ASH1L: variants seen among roughly 807,000 people sequenced by gnomAD.
The protein encoded by ASH1L is histone-lysine N-methyltransferase ASH1L.
A neutral mutation model predicts 269.0 loss-of-function variants in ASH1L; 23 were observed. That is an observed-to-expected ratio of 0.09 (90% CI 0.06 to 0.12). The LOEUF is 0.12. Among genes scored for constraint, ASH1L ranks in the 10% least tolerant of loss-of-function variants. ASH1L has a pLI of 1.00. For synonymous variants in ASH1L, 1,187 were observed against 1,253.5 expected (o/e 0.95, Z 1.12); for missense variants, 2,912 against 3,567.8 (o/e 0.82, Z 4.68).
chr1:155,408,396 A>G (rs1240043976), intron 6 of ASH1L, among the ~76,000 whole-genome samples: 2 of 152,234 alleles, frequency 1.3e-5, no homozygotes, highest in African/African-American at 4.8e-5. Context: ...TAGCAGTAAC[A>G]AATACCCTAG....
intron 3 of ASH1L, among the ~76,000 whole-genome samples, chr1:155,471,776 C>T (rs567180824): frequency 3.3e-5 from 5 of 152,360 alleles, no homozygotes; most frequent in East Asian, 1.9e-4. Context: ...AAATTTTTAG[C>T]AGGCCAGGCA....
intron 6 of ASH1L, among the ~76,000 whole-genome samples, chr1:155,403,223 T>C (rs1460503042): frequency 6.6e-6 from 1 of 151,672 alleles, no homozygotes; most frequent in African/African-American, 2.4e-5. Flanking sequence ...CAAATGCCTC[T>C]AATCCCAGCC....
intron 1 of ASH1L, among the ~76,000 whole-genome samples, chr1:155,541,173 G>C (rs1670404339): frequency 6.6e-6 from 1 of 152,102 alleles, no homozygotes; most frequent in Admixed American, 6.6e-5. Context: ...TGTATTCACT[G>C]CTACATCCTT....
intron 5 of ASH1L, among the ~76,000 whole-genome samples, chr1:155,422,303 A>ATTT (rs757564991): frequency 6.6e-5 from 8 of 120,924 alleles, no homozygotes; most frequent in South Asian, 2.5e-4. Flanking sequence ...CGCCCAGCTA[A>ATTT]TTTTTTTTTT....
At chr1:155,384,112 A>G (rs1303735823) in intron 7 of ASH1L, among the ~76,000 whole-genome samples, 1 of 152,150 alleles carries the variant, frequency 6.6e-6, no homozygotes, top group Non-Finnish European at 1.5e-5. Context: ...AGAGAAGGAA[A>G]GCCTATTGTA....
At chr1:155,536,125 T>C (rs1670040005) in intron 1 of ASH1L, among the ~76,000 whole-genome samples, 2 of 152,166 alleles carry the variant, frequency 1.3e-5, no homozygotes, top group African/African-American at 4.8e-5. Context: ...ACTAGCTAAG[T>C]AATCACATAC....
At chr1:155,366,595 T>C (rs1655436392) in intron 12 of ASH1L, among the ~76,000 whole-genome samples, 1 of 152,228 alleles carries the variant, frequency 6.6e-6, no homozygotes, top group South Asian at 2.1e-4. Context: ...GCTTCTAGTA[T>C]AGAGGTCCTA....
chr1:155,371,059 AC>A, intron 10 of ASH1L, 76 bp from the exon 11 acceptor site: 2 of 1,295,936 alleles, frequency 1.5e-6, no homozygotes, highest in Non-Finnish European at 1.1e-6. Context: ...AATTTTACAA[AC>A]ATTTAAAAAT....
chr1:155,385,677 A>G (rs1246164172), intron 7 of ASH1L, among the ~76,000 whole-genome samples: 1 of 152,158 alleles, frequency 6.6e-6, no homozygotes, highest in African/African-American at 2.4e-5. Flanking sequence ...TTAAATTCAA[A>G]GTTAAACACT....
intron 2 of ASH1L, among the ~76,000 whole-genome samples, chr1:155,489,411 T>G (rs1441606698): frequency 6.7e-6 from 1 of 149,388 alleles, no homozygotes; most frequent in African/African-American, 2.5e-5. Context: ...GAGGCAGAGG[T>G]TGCAGTGAGC....
rs1332351165 is a variant in ASH1L at position 155,477,931 on chromosome 1, T to C, written c.4939A>G (p.Lys1647Glu). The change falls in exon 3 of 28, where the codon AAG becomes GAG. Residue 1647 changes from lysine (K) to glutamate (E), a missense_variant. By Grantham distance (56) the Lys-to-Glu change is moderately conservative. This residue lies in a region of ASH1L where 789 missense variants were observed against 897.6 expected (regional missense o/e 0.88). Coordinates refer to ENST00000392403, the MANE Select transcript of ASH1L (RefSeq NM_018489.3). Reference sequence around the variant, plus strand: ...CTTTCGTTAGAAGGCAGTGACTCCTTTCTGTGAAGCCGATTTAGTGAAGTG... The same window carrying C: ...CTTTCGTTAGAAGGCAGTGACTCCTCTCTGTGAAGCCGATTTAGTGAAGTG... ...QDTSLNRLHR[K>E]ESLPSNERAV... is the part of the protein sequence containing the mutation. The C allele has an allele frequency of 6.2e-7, 1 of 1,613,846 alleles. No homozygotes were observed. The highest frequency in any genetic ancestry group is 1.3e-5 in the African/African-American group (1 of 74,936).
chr1:155,346,499 T>C (rs1653340724), intron 20 of ASH1L, 30 bp from the exon 21 acceptor site: 4 of 1,590,938 alleles, frequency 2.5e-6, no homozygotes, highest in Non-Finnish European at 3.5e-6. Context: ...TTGGGGAACA[T>C]GGAGGCTATG....
rs770847441 is a variant in ASH1L at position 155,521,398 on chromosome 1, T to C, written c.122A>G (p.Lys41Arg). ...LVSKREVELE[K>R]NTKEEEDLRK... The stretch of plus-strand genomic sequence containing the variant: ...AAGGTCCTCTTCCTCCTTTGTGTTT[T>C]TTTCTAGCTCTACTTCTCTCTTACT... Residue 41 changes from lysine (K) to arginine (R), a missense_variant, in exon 2 of 28, where the codon AAA (lysine) becomes AGA (arginine). Transcript: ENST00000392403. 9 of 1,614,218 alleles carry C rather than the reference T, an allele frequency of 5.6e-6. No individual in the cohort carries two copies. Among genetic ancestry groups the C allele is most frequent in the Admixed American group, 1.7e-5 (1 of 60,026 alleles).
chr1:155,530,226 C>T (rs1669571335), intron 1 of ASH1L, among the ~76,000 whole-genome samples: 1 of 152,152 alleles, frequency 6.6e-6, no homozygotes, highest in Non-Finnish European at 1.5e-5. Flanking sequence ...TATTCTCATA[C>T]TCTTCTTACC....
intron 2 of ASH1L, among the ~76,000 whole-genome samples, chr1:155,489,834 A>ATAAC (rs1216429515): frequency 3.3e-5 from 5 of 150,498 alleles, no homozygotes; most frequent in African/African-American, 7.3e-5. Flanking sequence ...AAATAAATAA[A>ATAAC]TAACAATATG....
At chr1:155,492,033 CTTTTTTT>C (rs747132753) in intron 2 of ASH1L, among the ~76,000 whole-genome samples, 6 of 111,938 alleles carry the variant, frequency 5.4e-5, no homozygotes, top group African/African-American at 1.3e-4. Flanking sequence ...GTTTTGTTTA[CTTTTTTT>C]TTTTTTTTTT....
At chr1:155,492,280 T>A (rs538867954) in intron 2 of ASH1L, among the ~76,000 whole-genome samples, 1 of 150,244 alleles carries the variant, frequency 6.7e-6, no homozygotes, top group Admixed American at 6.6e-5. Flanking sequence ...ACTCCCAACC[T>A]CAGCCGCCAG....
intron 2 of ASH1L, among the ~76,000 whole-genome samples, chr1:155,500,087 G>C (rs1296268848): frequency 6.6e-6 from 1 of 152,210 alleles, no homozygotes; most frequent in Non-Finnish European, 1.5e-5. Context: ...CACATTTATA[G>C]CAGAGGCTGC....
chr1:155,421,039 CCAACCGAGG>C (rs1328207267), intron 5 of ASH1L, among the ~76,000 whole-genome samples: 1 of 150,078 alleles, frequency 6.7e-6, no homozygotes, highest in Non-Finnish European at 1.5e-5. Context: ...AGGTTGGAGA[CCAACCGAGG>C]CAACATAGTC....
Sources: allele counts gnomAD v4.1 joint callset (sites outside exome capture counted in the v4.1 genomes callset), GRCh38; gene constraint gnomAD v4.1.1; regional missense constraint gnomAD v4.1.1; transcripts MANE v1.5; gene names NCBI Gene and HGNC (gene_info 2026-07-23, HGNC 2026-07-21).